The following FLRT2 variants were observed in gnomAD, a reference collection of about 807,000 sequenced individuals.
FLRT2 encodes fibronectin leucine rich transmembrane protein 2, also known as leucine-rich repeat transmembrane protein FLRT2.
FLRT2 carries 15 observed loss-of-function variants against 40.0 expected under a neutral mutation model. The observed-to-expected ratio is 0.38, with a 90% CI of 0.25 to 0.58. The LOEUF (loss-of-function observed/expected upper bound fraction) is 0.58, where lower values mean the gene tolerates loss of function less well. Ranked by LOEUF, FLRT2 falls within the 20% of genes least tolerant of loss-of-function variation. The probability of loss-of-function intolerance (pLI) is 0.71; values close to 1 mark genes in which losing one functional copy is unlikely to be tolerated. For synonymous variants in FLRT2, 380 were observed against 336.8 expected (o/e 1.13, Z -1.41); for missense variants, 726 against 840.0 (o/e 0.86, Z 1.68).
chr14:85,536,651 T>C (rs63133862), intron 1 of FLRT2, among the ~76,000 whole-genome samples: 1 of 141,864 alleles, frequency 7.0e-6, no homozygotes, highest in East Asian at 2.0e-4. Context: ...TTTTTTTTTT[T>C]CCTTCTCATC....
intron 1 of FLRT2, among the ~76,000 whole-genome samples, chr14:85,587,666 G>A (rs1891684639): frequency 6.6e-6 from 1 of 151,888 alleles, no homozygotes; most frequent in South Asian, 2.1e-4. Flanking sequence ...TTTAGATGTG[G>A]TCACCGTTGA....
At position 85,649,296 on chromosome 14, in the gene FLRT2, T is replaced by C. The variant is rs1327840795; in HGVS notation, c.*25799T>C. 1 of 152,150 alleles carries C rather than the reference T, an allele frequency of 6.6e-6. No individual in the cohort carries two copies. The highest frequency in any genetic ancestry group is 2.4e-5 in the African/African-American group (1 of 41,458). 9.4% of individuals were successfully genotyped at this position (152,150 alleles called of 1,614,324 possible). A position where few individuals can be genotyped will look rare whatever the true frequency, so the allele number is the denominator to read the frequency against. The stretch of plus-strand genomic sequence containing the variant: ...CAAATTTTGATGATTTAATAGCTCA[T>C]TGAAAGAACTAGCCTGAAGCAGATA... On this transcript the variant is annotated 3_prime_UTR_variant, in exon 2 of 2. Transcript: ENST00000330753.
chr14:85,532,014 C>T (rs1016379597), intron 1 of FLRT2, among the ~76,000 whole-genome samples: 6 of 152,196 alleles, frequency 3.9e-5, no homozygotes, highest in African/African-American at 1.4e-4. Flanking sequence ...TACGTGAAAG[C>T]GGTAGACACA....
At chr14:85,588,601 T>C (rs553149881) in intron 1 of FLRT2, among the ~76,000 whole-genome samples, 2 of 152,318 alleles carry the variant, frequency 1.3e-5, no homozygotes, top group East Asian at 3.9e-4. Context: ...TAAGGATTTA[T>C]CTTTTGTGTT....
chr14:85,578,883 C>G (rs548310787), intron 1 of FLRT2, among the ~76,000 whole-genome samples: 7 of 152,260 alleles, frequency 4.6e-5, no homozygotes. Flanking sequence ...GCTCCTCAAA[C>G]CAGAAGGCAC....
intron 1 of FLRT2, among the ~76,000 whole-genome samples, chr14:85,587,080 CT>C: frequency 6.6e-6 from 1 of 152,164 alleles, no homozygotes; most frequent in South Asian, 2.1e-4. Context: ...TAGCCCTTGG[CT>C]CTATCTAAGA....
At chr14:85,608,317 C>T (rs753464551) in intron 1 of FLRT2, among the ~76,000 whole-genome samples, 1 of 151,946 alleles carries the variant, frequency 6.6e-6, no homozygotes. Context: ...GCAGCCTCCA[C>T]CTCCCGGGTT....
At position 85,632,208 on chromosome 14, in the gene FLRT2, A is replaced by T. The variant is rs1442912955; in HGVS notation, c.*8711A>T. ...AGCATACAAAGAGGTATCTTTAAAA[A>T]TCACCTTAATCCCAGCACTTTGGGA... is the stretch of plus-strand genomic sequence containing the variant. On this transcript the variant is annotated 3_prime_UTR_variant, in exon 2 of 2. Coordinates refer to ENST00000330753, the MANE Select transcript of FLRT2 (RefSeq NM_013231.6). The T allele has an allele frequency of 2.0e-5, 3 of 152,182 alleles. No homozygotes were observed. Among genetic ancestry groups the T allele is most frequent in the African/African-American group, 7.2e-5 (3 of 41,412 alleles). The allele number at this position is 152,182 out of a possible 1,614,324, so 9.4% of individuals were successfully genotyped here.
At chr14:85,596,965 G>A (rs7149138) in intron 1 of FLRT2, among the ~76,000 whole-genome samples, 63,786 of 151,986 alleles carry the variant, frequency 0.42, 13,819 homozygotes, top group East Asian at 0.77. Context: ...TGACAGAAAC[G>A]ATTTATTCTT....
rs373106936 is a variant in FLRT2, at chr14:85,550,158, G to T, written c.-377+19624G>T. ...TTAAAAACAACTGCATGTAGAGGAG[G>T]CTGGCTTATCAACAGGCAAAAAAGG... is the stretch of plus-strand genomic sequence containing the variant. On this transcript the variant is annotated intron_variant, in intron 1 of 1. Coordinates refer to ENST00000330753, the MANE Select transcript of FLRT2 (RefSeq NM_013231.6). 2.6e-5 allele frequency among the ~76,000 whole-genome samples: 4 copies of T among 152,300 alleles called. No individual in the cohort carries two copies. In the South Asian group the frequency reaches 8.3e-4, roughly 32 times the overall value.
chr14:85,590,537 TTG>T (rs1298834733), intron 1 of FLRT2, among the ~76,000 whole-genome samples: 1 of 152,198 alleles, frequency 6.6e-6, no homozygotes, highest in Non-Finnish European at 1.5e-5. Context: ...GCAGTAGTAT[TTG>T]CACAGTATCA....
rs781681366 is a variant in FLRT2, at chr14:85,622,708, A to G, written c.1194A>G (p.Pro398=). 4.3e-6 allele frequency: 7 copies of G among 1,613,818 alleles called. No individual in the cohort carries two copies. The highest frequency in any genetic ancestry group is 1.1e-5 in the South Asian group (1 of 91,058). ...IPNPSRSYTP[P]TPTTSKLPTI... is the part of the protein sequence containing the mutation. ...ACCCTAGCAGAAGCTACACGCCTCC[A>G]ACTCCTACCACATCGAAACTTCCCA... The change falls in exon 2 of 2, where the codon CCA becomes CCG. Residue 398 remains proline, a synonymous_variant. Coordinates refer to ENST00000330753, the MANE Select transcript of FLRT2 (RefSeq NM_013231.6).
intron 1 of FLRT2, among the ~76,000 whole-genome samples, chr14:85,596,575 A>G (rs1270406901): frequency 1.3e-5 from 2 of 152,230 alleles, no homozygotes; most frequent in East Asian, 1.9e-4. Context: ...GAATTGTCCA[A>G]TGTACAAATA....
chr14:85,572,037 A>G (rs1387518003), intron 1 of FLRT2, among the ~76,000 whole-genome samples: 9 of 152,220 alleles, frequency 5.9e-5, no homozygotes. Flanking sequence ...TAAAATGTTG[A>G]GAACCCCCAG....
rs1046982590 is a variant in FLRT2, at chr14:85,641,405, C to T, written c.*17908C>T. 1 of 152,214 alleles carries T rather than the reference C, an allele frequency of 6.6e-6. No homozygotes were observed. The highest frequency in any genetic ancestry group is 6.5e-5 in the Admixed American group (1 of 15,280). The allele number at this position is 152,214 out of a possible 1,614,324, so 9.4% of individuals were successfully genotyped here. On this transcript the variant is annotated 3_prime_UTR_variant, in exon 2 of 2. Coordinates refer to ENST00000330753, the MANE Select transcript of FLRT2 (RefSeq NM_013231.6). ...GTAGAAGTGAAGTGGAAACTCTCTT[C>T]TTACTAATGTCAGTCTTGGGCCCAA...
intron 1 of FLRT2, among the ~76,000 whole-genome samples, chr14:85,592,854 A>G (rs1232445270): frequency 6.6e-6 from 1 of 151,872 alleles, no homozygotes; most frequent in Non-Finnish European, 1.5e-5. Context: ...ACCTGTTCAT[A>G]CAGGATACCA....
chr14:85,586,446 T>C (rs558784279), intron 1 of FLRT2, among the ~76,000 whole-genome samples: 13 of 152,300 alleles, frequency 8.5e-5, no homozygotes, highest in African/African-American at 2.9e-4. Context: ...TCCAGAGATT[T>C]GCTGTACAAC....
At chr14:85,600,057 C>T (rs913735424) in intron 1 of FLRT2, among the ~76,000 whole-genome samples, 2 of 152,116 alleles carry the variant, frequency 1.3e-5, no homozygotes, top group Admixed American at 6.5e-5. Context: ...AAGTGCAGTT[C>T]AGCTCATTTA....
At chr14:85,546,311 C>T (rs1463677621) in intron 1 of FLRT2, among the ~76,000 whole-genome samples, 3 of 152,302 alleles carry the variant, frequency 2.0e-5, no homozygotes, top group African/African-American at 7.2e-5. Flanking sequence ...TTAATTCCTT[C>T]ACTTCCCTTT....
Sources: allele counts gnomAD v4.1 joint callset (sites outside exome capture counted in the v4.1 genomes callset), GRCh38; gene constraint gnomAD v4.1.1; transcripts MANE v1.5; gene names NCBI Gene and HGNC (gene_info 2026-07-23, HGNC 2026-07-21).